The following PTPRM variants were observed in gnomAD, a reference collection of about 807,000 sequenced individuals.
PTPRM encodes the protein protein tyrosine phosphatase receptor type M.
PTPRM carries 47 observed loss-of-function variants against 186.7 expected under a neutral mutation model. The ratio of observed to expected loss-of-function variants is 0.25; its 90% CI spans 0.20 to 0.32. The LOEUF (loss-of-function observed/expected upper bound fraction) is 0.32, where lower values mean the gene tolerates loss of function less well. PTPRM is among the 10% of genes least tolerant of loss of function. PTPRM has a pLI of 1.00. For synonymous variants in PTPRM, 668 were observed against 674.9 expected (o/e 0.99, Z 0.16); for missense variants, 1,494 against 1,865.0 (o/e 0.80, Z 3.66).
chr18:8,203,726 T>A (rs1429991219), intron 14 of PTPRM, among the ~76,000 whole-genome samples: 1 of 152,216 alleles, frequency 6.6e-6, no homozygotes, highest in East Asian at 1.9e-4. Flanking sequence ...TGTATGTATG[T>A]CTATAGTGTG....
chr18:8,206,920 A>G (rs2146912103), intron 14 of PTPRM, among the ~76,000 whole-genome samples: 1 of 152,228 alleles, frequency 6.6e-6, no homozygotes, highest in Admixed American at 6.5e-5. Context: ...GCGGGAGGAC[A>G]GAGGCAGAGA....
intron 4 of PTPRM, among the ~76,000 whole-genome samples, chr18:7,920,032 T>C (rs999769823): frequency 6.6e-6 from 1 of 152,110 alleles, no homozygotes; most frequent in Admixed American, 6.6e-5. Flanking sequence ...TCCAGTTAGA[T>C]GGAGTATCTT....
chr18:8,087,651 C>T (rs573493979), intron 10 of PTPRM, among the ~76,000 whole-genome samples: 1 of 152,194 alleles, frequency 6.6e-6, no homozygotes, highest in Non-Finnish European at 1.5e-5. Context: ...GAGAGGGAAC[C>T]ACTCTTGTTA....
At chr18:7,669,382 G>A (rs915483493) in intron 1 of PTPRM, among the ~76,000 whole-genome samples, 1 of 152,194 alleles carries the variant, frequency 6.6e-6, no homozygotes, top group African/African-American at 2.4e-5. Flanking sequence ...AGCCCTGCTT[G>A]TGTTTAACTG....
At chr18:8,068,819 G>T (rs1057208028) in intron 7 of PTPRM, among the ~76,000 whole-genome samples, 11 of 152,180 alleles carry the variant, frequency 7.2e-5, no homozygotes, top group African/African-American at 2.6e-4. Flanking sequence ...GTTTATTTTG[G>T]CCGGGTGTGG....
intron 2 of PTPRM, among the ~76,000 whole-genome samples, chr18:7,807,130 G>A (rs1448424802): frequency 6.6e-6 from 1 of 152,146 alleles, no homozygotes; most frequent in East Asian, 1.9e-4. Flanking sequence ...TGCTAGACCT[G>A]GGTCTGCTTC....
rs1363593351 is a variant in PTPRM, at chr18:8,336,566, AAG to A, written c.2957-6851_2957-6850del. 6.0e-5 allele frequency among the ~76,000 whole-genome samples: 9 copies of A among 149,140 alleles called. No individual in the cohort carries two copies. In the East Asian group the frequency reaches 1.4e-3, roughly 24 times the overall value. ...GACTCTGTCTCAAAAAAAAGAAAGA[AAG>A]AGAGACAGACAGAGACAGACAGAGA... On this transcript the variant is annotated intron_variant, in intron 22 of 32. Transcript: ENST00000580170.
intron 1 of PTPRM, among the ~76,000 whole-genome samples, chr18:7,592,940 AG>A (rs2143649292): frequency 6.6e-6 from 1 of 152,302 alleles, no homozygotes; most frequent in East Asian, 1.9e-4. Context: ...AGAGGTGAAA[AG>A]GAAAATGGCT....
At chr18:8,367,548 G>A (rs2095638952) in intron 23 of PTPRM, among the ~76,000 whole-genome samples, 1 of 152,260 alleles carries the variant, frequency 6.6e-6, no homozygotes, top group African/African-American at 2.4e-5. Context: ...TGGAAGCCCT[G>A]GCGGCTGCTG....
intron 23 of PTPRM, among the ~76,000 whole-genome samples, chr18:8,344,472 A>ATATATATATATATCTATC (rs1161839943): frequency 2.7e-5 from 4 of 146,890 alleles, no homozygotes; most frequent in African/African-American, 1.0e-4. Flanking sequence ...ATATATATAT[A>ATATATATATATATCTATC]TATCTAGCAA....
intron 7 of PTPRM, among the ~76,000 whole-genome samples, chr18:8,041,569 G>A (rs2086694264): frequency 6.6e-6 from 1 of 152,138 alleles, no homozygotes; most frequent in Non-Finnish European, 1.5e-5. Flanking sequence ...TGTTTGTGCA[G>A]CATTTATACC....
At chr18:8,025,988 G>A (rs974349353) in intron 7 of PTPRM, among the ~76,000 whole-genome samples, 11 of 152,310 alleles carry the variant, frequency 7.2e-5, no homozygotes, top group African/African-American at 2.6e-4. Context: ...TGAAGCCCCA[G>A]TGTACTTGAG....
chr18:7,933,828 T>C (rs2051634025), intron 5 of PTPRM, among the ~76,000 whole-genome samples: 1 of 152,214 alleles, frequency 6.6e-6, no homozygotes, highest in Non-Finnish European at 1.5e-5. Flanking sequence ...TCATAGAATG[T>C]AGTGGTGCCT....
intron 20 of PTPRM, among the ~76,000 whole-genome samples, chr18:8,299,826 CTG>C (rs199863524): frequency 6.6e-6 from 1 of 152,128 alleles, no homozygotes; most frequent in South Asian, 2.1e-4. Context: ...GAAACTTTTT[CTG>C]AAAGCCAGAC....
At chr18:8,070,709 T>C (rs2089418480) in intron 8 of PTPRM, among the ~76,000 whole-genome samples, 1 of 152,192 alleles carries the variant, frequency 6.6e-6, no homozygotes, top group Non-Finnish European at 1.5e-5. Context: ...AACCCTTGTG[T>C]GTAATGACAT....
At chr18:8,194,408 C>A (rs1222774556) in intron 14 of PTPRM, among the ~76,000 whole-genome samples, 3 of 152,206 alleles carry the variant, frequency 2.0e-5, no homozygotes, top group African/African-American at 7.2e-5. Context: ...ATGTGGAAAA[C>A]AAGCATTAAA....
At chr18:7,850,480 G>C (rs2046809083) in intron 2 of PTPRM, among the ~76,000 whole-genome samples, 1 of 152,188 alleles carries the variant, frequency 6.6e-6, no homozygotes, top group Admixed American at 6.5e-5. Flanking sequence ...TCAGGCATTT[G>C]CTGAATTAAA....
intron 23 of PTPRM, among the ~76,000 whole-genome samples, chr18:8,359,263 G>T (rs1348303574): frequency 6.6e-6 from 1 of 152,220 alleles, no homozygotes; most frequent in East Asian, 1.9e-4. Flanking sequence ...AAATTTGCAG[G>T]TCTGAATAAC....
intron 23 of PTPRM, among the ~76,000 whole-genome samples, chr18:8,367,768 G>A (rs559559450): frequency 2.0e-5 from 3 of 152,358 alleles, no homozygotes; most frequent in Admixed American, 1.3e-4. Context: ...GTGCATGCAA[G>A]GGGCATTTGA....
Sources: allele counts gnomAD v4.1 joint callset (sites outside exome capture counted in the v4.1 genomes callset), GRCh38; gene constraint gnomAD v4.1.1; transcripts MANE v1.5; gene names NCBI Gene and HGNC (gene_info 2026-07-23, HGNC 2026-07-21).